FRMD4A: variants seen among roughly 807,000 people sequenced by gnomAD.
The protein encoded by FRMD4A is FERM domain-containing protein 4A.
A neutral mutation model predicts 129.1 loss-of-function variants in FRMD4A; 29 were observed. The observed-to-expected ratio is 0.22, with a 90% CI of 0.17 to 0.31. FRMD4A has a LOEUF of 0.31. FRMD4A is among the 10% of genes least tolerant of loss of function. The probability of loss-of-function intolerance (pLI) is 1.00; values close to 1 mark genes in which losing one functional copy is unlikely to be tolerated. For synonymous variants in FRMD4A, 634 were observed against 571.6 expected, an observed-to-expected ratio of 1.11 and a Z score of -1.56; for missense variants, 1,272 against 1,375.8, an observed-to-expected ratio of 0.92 and a Z score of 1.19.
intron 2 of FRMD4A, among the ~76,000 whole-genome samples, chr10:14,167,915 G>A (rs1485808527): frequency 6.6e-6 from 1 of 152,214 alleles, no homozygotes; most frequent in Non-Finnish European, 1.5e-5. Context: ...GGTAGACGCA[G>A]TGTTTCTGCA....
At chr10:13,739,728 G>T (rs1043989097) in intron 11 of FRMD4A, among the ~76,000 whole-genome samples, 1 of 152,180 alleles carries the variant, frequency 6.6e-6, no homozygotes, top group Non-Finnish European at 1.5e-5. Context: ...TTCTGTATTT[G>T]AAATTGTCTC....
At chr10:14,063,931 C>G (rs1387825902) in intron 2 of FRMD4A, among the ~76,000 whole-genome samples, 2 of 152,186 alleles carry the variant, frequency 1.3e-5, no homozygotes, top group Non-Finnish European at 2.9e-5. Context: ...AGAAATTTTA[C>G]AGCTTCCCTG....
chr10:14,069,696 T>A (rs2131714161), intron 2 of FRMD4A, among the ~76,000 whole-genome samples: 1 of 152,344 alleles, frequency 6.6e-6, no homozygotes, highest in East Asian at 1.9e-4. Context: ...ATTTACTTAA[T>A]AATATGATTT....
At chr10:13,648,905 TG>T (rs2134374581) in intron 24 of FRMD4A, 1 of 152,330 alleles carries the variant, frequency 6.6e-6, no homozygotes, top group Non-Finnish European at 1.5e-5. Context: ...AAAGTAGTCC[TG>T]TGAGTTGCTC....
intron 2 of FRMD4A, among the ~76,000 whole-genome samples, chr10:14,235,076 A>C (rs1339611755): frequency 6.6e-6 from 1 of 151,926 alleles, no homozygotes; most frequent in African/African-American, 2.4e-5. Flanking sequence ...GTTCACCTGT[A>C]GTTGTTTGGG....
intron 2 of FRMD4A, among the ~76,000 whole-genome samples, chr10:14,056,528 C>T (rs933353515): frequency 2.0e-5 from 3 of 151,874 alleles, no homozygotes; most frequent in African/African-American, 7.3e-5. Flanking sequence ...TTTTTTTGTA[C>T]CCATTAAACA....
intron 2 of FRMD4A, among the ~76,000 whole-genome samples, chr10:14,233,693 G>A (rs1040456452): frequency 2.2e-4 from 34 of 152,214 alleles, no homozygotes; most frequent in African/African-American, 7.7e-4. Flanking sequence ...AAACAGGCAC[G>A]CTGAAAAAGA....
At chr10:13,674,732 G>T (rs1003731635) in intron 16 of FRMD4A, among the ~76,000 whole-genome samples, 179 bp downstream of exon 16, 3 of 152,182 alleles carry the variant, frequency 2.0e-5, no homozygotes, top group East Asian at 1.9e-4. Context: ...TCCAACATTT[G>T]TGTTTCAGGA....
chr10:13,796,812 C>T (rs1385281142), intron 4 of FRMD4A, among the ~76,000 whole-genome samples: 2 of 152,128 alleles, frequency 1.3e-5, no homozygotes, highest in Admixed American at 6.5e-5. Flanking sequence ...CCTCTGCCTC[C>T]TGGGTTTAAG....
rs762101517 is a variant in FRMD4A at position 13,657,342 on chromosome 10, C to T, written c.2247G>A (p.Ser749=). 1.9e-6 allele frequency: 3 copies of T among 1,608,632 alleles called. No homozygotes were observed. The highest frequency in any genetic ancestry group is 2.2e-5 in the East Asian group (1 of 44,632). ...GCTCCGAGCTCGAGTGGCTGGTGCA[C>T]GACGAGCAGTCGTCCATGGGGTCTG... The part of the protein sequence containing the change: ...NGSDPMDDCS[S]CTSHSSSEHY... Residue 749 remains serine, a synonymous_variant, in exon 22 of 25, where the codon TCG becomes TCA. Transcript: ENST00000357447.
At chr10:14,006,000 C>T (rs1180291278) in intron 2 of FRMD4A, among the ~76,000 whole-genome samples, 1 of 152,200 alleles carries the variant, frequency 6.6e-6, no homozygotes, top group Non-Finnish European at 1.5e-5. Flanking sequence ...TGGAACTGAA[C>T]AAACTGCTAT....
chr10:13,997,421 T>C (rs2095626506), intron 2 of FRMD4A, among the ~76,000 whole-genome samples: 1 of 152,154 alleles, frequency 6.6e-6, no homozygotes, highest in Non-Finnish European at 1.5e-5. Context: ...ATCTGCATTA[T>C]TCATCACTTC....
At chr10:14,171,614 C>G (rs774151982) in intron 2 of FRMD4A, among the ~76,000 whole-genome samples, 5 of 152,198 alleles carry the variant, frequency 3.3e-5, no homozygotes, top group Non-Finnish European at 5.9e-5. Flanking sequence ...CAGTTAATCT[C>G]ATGCATATTT....
rs1491519246 is a variant in FRMD4A, at chr10:13,769,238, T to TGTGTGC, written c.385-6559_385-6558insGCACAC. ...GTGTGTGTGTGTGTGTGTGTGTGTG[T>TGTGTGC]GCGTATGTGTGTGTACTGGTCACCG... On this transcript the variant is annotated intron_variant, in intron 6 of 24. Transcript: ENST00000357447. Among the ~76,000 whole-genome samples, 26 of 148,246 alleles carry TGTGTGC rather than the reference T, an allele frequency of 1.8e-4. No homozygotes were observed. In the South Asian group the frequency reaches 2.2e-3, roughly 12 times the overall value.
chr10:13,782,693 C>T (rs1437569704), intron 6 of FRMD4A, among the ~76,000 whole-genome samples: 3 of 152,186 alleles, frequency 2.0e-5, no homozygotes, highest in Non-Finnish European at 2.9e-5. Flanking sequence ...CCACCCGCCT[C>T]GGCCTCCCAA....
chr10:13,840,678 T>C (rs906685115), intron 3 of FRMD4A, among the ~76,000 whole-genome samples: 2 of 150,674 alleles, frequency 1.3e-5, no homozygotes, highest in East Asian at 2.0e-4. Context: ...ATCCCAGCTA[T>C]TAGGGACGCT....
chr10:14,105,168 C>T (rs1422296024), intron 2 of FRMD4A, among the ~76,000 whole-genome samples: 4 of 152,198 alleles, frequency 2.6e-5, no homozygotes, highest in East Asian at 1.9e-4. Context: ...AGCTATAGGT[C>T]GTAGCTCTTT....
chr10:13,714,611 G>A (rs1433334047), intron 12 of FRMD4A, among the ~76,000 whole-genome samples: 2 of 151,988 alleles, frequency 1.3e-5, no homozygotes, highest in African/African-American at 4.8e-5. Context: ...TATTTGTAGC[G>A]AGCTTACAAT....
At chr10:14,160,854 C>T in intron 2 of FRMD4A, among the ~76,000 whole-genome samples, 1 of 152,056 alleles carries the variant, frequency 6.6e-6, no homozygotes, top group African/African-American at 2.4e-5. Flanking sequence ...ATCAAAGAGA[C>T]AAAAAATAAC....
Sources: gnomAD v4.1 joint callset for allele counts (sites outside exome capture counted in the v4.1 genomes callset) on GRCh38, gnomAD v4.1.1 for gene constraint, MANE v1.5 for transcripts, NCBI Gene and HGNC (gene_info 2026-07-23, HGNC 2026-07-21) for gene names.